The following HS6ST2 variants were observed in gnomAD, a reference collection of about 807,000 sequenced individuals.
HS6ST2 encodes heparan sulfate 6-O-sulfotransferase 2.
In HS6ST2, 17 loss-of-function variants were observed where a neutral mutation model predicts 33.0. The observed-to-expected ratio is 0.52, with a 90% CI of 0.35 to 0.77. The LOEUF (loss-of-function observed/expected upper bound fraction) is 0.77, where lower values mean the gene tolerates loss of function less well. Ranked by LOEUF, HS6ST2 falls within the 30% of genes least tolerant of loss-of-function variation. The pLI is 0.01. For missense variants in HS6ST2, 519 were observed against 551.7 expected, an observed-to-expected ratio of 0.94 and a Z score of 0.59; for synonymous variants, 248 against 237.1, an observed-to-expected ratio of 1.05 and a Z score of -0.42.
chrX:132,781,218 T>C (rs758254476), intron 2 of HS6ST2, among the ~76,000 whole-genome samples: 11 of 111,772 alleles, frequency 9.8e-5, no homozygotes, highest in African/African-American at 2.6e-4. Context: ...AATAACCCAA[T>C]TGGTTTGAAA....
At chrX:132,856,762 C>A (rs1258627682) in intron 2 of HS6ST2, among the ~76,000 whole-genome samples, 1 of 111,303 alleles carries the variant, frequency 9.0e-6, no homozygotes, top group Non-Finnish European at 1.9e-5. Context: ...AAACAACATC[C>A]CCAAAATAAA....
In HS6ST2 at chrX:132,735,140, A is replaced by G. The variant is rs771639915; in HGVS notation, c.948-26646T>C. ...TCTTGATTTTTCAAACACACTTGAA[A>G]GATGTAAACACAAGAGCAAAAACAT... On this transcript the variant is annotated intron_variant, in intron 2 of 4. Coordinates refer to ENST00000370833, the MANE Select transcript of HS6ST2 (RefSeq NM_001394073.1). 4 of 112,549 alleles carry G rather than the reference A, an allele frequency of 3.6e-5. No individual in the cohort carries two copies. In the East Asian group the frequency reaches 1.1e-3, roughly 31 times the overall value. The allele number at this position is 112,549 out of a possible 1,213,427, so 9.3% of individuals were successfully genotyped here. A position where few individuals can be genotyped will look rare whatever the true frequency, so the allele number is the denominator to read the frequency against.
chrX:132,650,333 G>A (rs1431648490), intron 4 of HS6ST2, among the ~76,000 whole-genome samples: 1 of 111,096 alleles, frequency 9.0e-6, no homozygotes, highest in Non-Finnish European at 1.9e-5. Context: ...AAGGTATGGG[G>A]TGGCAATGTG....
Position 132,628,875 on chromosome X carries a change from C to T in HS6ST2, c.1286G>A (p.Arg429His). Residue 429 changes from arginine to histidine, a missense_variant, in exon 5 of 5, where the codon CGC (arginine) becomes CAC (histidine). Arg to His is a conservative substitution (Grantham distance 29). Coordinates refer to ENST00000370833, the MANE Select transcript of HS6ST2 (RefSeq NM_001394073.1). ...MDCPYNLANN[R>H]QVRMLSDLTL... Reference sequence around the variant, plus strand: ...CAGGTCGGAGAGCATGCGCACCTGGCGGTTGTTGGCTAGATTGTAGGGACA... The same window carrying T: ...CAGGTCGGAGAGCATGCGCACCTGGTGGTTGTTGGCTAGATTGTAGGGACA... 2.5e-6 allele frequency: 3 copies of T among 1,211,433 alleles called. No homozygotes were observed. The highest frequency in any genetic ancestry group is 3.4e-6 in the Non-Finnish European group (3 of 895,383).
At chrX:132,820,686 G>A (rs1276038769) in intron 2 of HS6ST2, among the ~76,000 whole-genome samples, 2 of 111,453 alleles carry the variant, frequency 1.8e-5, no homozygotes, top group East Asian at 2.8e-4. Flanking sequence ...GTGTATAAGC[G>A]TGAATGCTCG....
At chrX:132,898,970 G>A (rs2066404053) in intron 2 of HS6ST2, among the ~76,000 whole-genome samples, 1 of 111,186 alleles carries the variant, frequency 9.0e-6, no homozygotes, top group South Asian at 3.8e-4. Flanking sequence ...CACAGGAACA[G>A]TTTGTGTTCC....
chrX:132,786,714 C>T (rs963779495), intron 2 of HS6ST2, among the ~76,000 whole-genome samples: 12 of 109,215 alleles, frequency 1.1e-4, no homozygotes, highest in Middle Eastern at 4.7e-3. Context: ...CTCCGGCTCC[C>T]GGTTTCAAGT....
intron 3 of HS6ST2, among the ~76,000 whole-genome samples, chrX:132,676,980 G>A (rs1376923532): frequency 8.9e-6 from 1 of 112,471 alleles, no homozygotes; most frequent in South Asian, 3.7e-4. Flanking sequence ...TCCTGGGGAA[G>A]TGGCAATTAC....
intron 2 of HS6ST2, among the ~76,000 whole-genome samples, chrX:132,744,217 A>G (rs1293485306): frequency 8.9e-6 from 1 of 111,899 alleles, no homozygotes; most frequent in Non-Finnish European, 1.9e-5. Context: ...AACCCTATGA[A>G]GTACATAATA....
chrX:132,857,934 G>A (rs1302820936), intron 2 of HS6ST2, among the ~76,000 whole-genome samples: 1 of 111,891 alleles, frequency 8.9e-6, no homozygotes, highest in African/African-American at 3.3e-5. Flanking sequence ...TGCACGGCAT[G>A]GCACCTAACT....
At chrX:132,956,356 G>C (rs967309664) in intron 2 of HS6ST2, among the ~76,000 whole-genome samples, 1 of 109,521 alleles carries the variant, frequency 9.1e-6, no homozygotes, top group African/African-American at 3.3e-5. Flanking sequence ...GGGAAAGCGG[G>C]GGGAGGGAAG....
intron 2 of HS6ST2, among the ~76,000 whole-genome samples, chrX:132,894,285 C>A (rs866219023): frequency 7.5e-5 from 6 of 79,937 alleles, no homozygotes. Context: ...GGGATTACAG[C>A]ATGCGCCACC....
At chrX:132,773,868 A>C (rs2064930855) in intron 2 of HS6ST2, among the ~76,000 whole-genome samples, 1 of 111,911 alleles carries the variant, frequency 8.9e-6, no homozygotes, top group African/African-American at 3.2e-5. Flanking sequence ...GGGATTTCCT[A>C]TGGAGGTGTG....
intron 2 of HS6ST2, among the ~76,000 whole-genome samples, chrX:132,928,159 C>A (rs751536496): frequency 4.7e-4 from 50 of 105,851 alleles, no homozygotes; most frequent in African/African-American, 1.6e-3. Context: ...CACTCTGTTG[C>A]CCAGGCTGGA....
chrX:132,757,281 G>A (rs1197287290), intron 2 of HS6ST2, among the ~76,000 whole-genome samples: 1 of 111,783 alleles, frequency 8.9e-6, no homozygotes, highest in Non-Finnish European at 1.9e-5. Flanking sequence ...CAAAGTAGAA[G>A]AGCCAGCATC....
At chrX:132,734,847 C>G (rs1020949188) in intron 2 of HS6ST2, among the ~76,000 whole-genome samples, 1 of 112,199 alleles carries the variant, frequency 8.9e-6, no homozygotes, top group Non-Finnish European at 1.9e-5. Context: ...GCCTGGATAC[C>G]GTCTTTAGCT....
chrX:132,895,068 A>C (rs1019538757), intron 2 of HS6ST2, among the ~76,000 whole-genome samples: 4 of 112,151 alleles, frequency 3.6e-5, no homozygotes, highest in African/African-American at 9.7e-5. Context: ...TTTGTCTCGC[A>C]GTTCAAATTC....
At chrX:132,884,867 G>A (rs2066230787) in intron 2 of HS6ST2, among the ~76,000 whole-genome samples, 1 of 111,439 alleles carries the variant, frequency 9.0e-6, no homozygotes, top group African/African-American at 3.3e-5. Flanking sequence ...GTTGGAGCAA[G>A]GTCCTGCAAG....
Position 132,948,147 on chromosome X carries a change from T to C in HS6ST2, c.947+8661A>G, listed in dbSNP as rs765274662. On this transcript the variant is annotated intron_variant, in intron 2 of 4. Transcript: ENST00000370833. ...ATTCTCTCAGACTCACTAGGGCATCTCCACTAGTAAAATTTAAAAAGCAAT... is the reference window on the plus strand; with the variant it reads ...ATTCTCTCAGACTCACTAGGGCATCCCCACTAGTAAAATTTAAAAAGCAAT... Among the ~76,000 whole-genome samples the C allele has an allele frequency of 2.7e-5, 3 of 111,854 alleles. No individual in the cohort carries two copies. The South Asian group carries it at 1.1e-3, about 42-fold the overall frequency.
Sources: allele counts gnomAD v4.1 joint callset (sites outside exome capture counted in the v4.1 genomes callset), GRCh38; gene constraint gnomAD v4.1.1; transcripts MANE v1.5; gene names NCBI Gene and HGNC (gene_info 2026-07-23, HGNC 2026-07-21).